Variants in CEP350 observed in about 807,000 individuals in gnomAD.
CEP350 encodes the protein centrosome-associated protein 350.
A neutral mutation model predicts 331.8 loss-of-function variants in CEP350; 126 were observed. The observed-to-expected ratio is 0.38, with a 90% confidence interval of 0.33 to 0.44. The LOEUF (loss-of-function observed/expected upper bound fraction) is 0.44. Among genes scored for constraint, CEP350 ranks in the 20% least tolerant of loss-of-function variants. The pLI is 1.00. For missense variants in CEP350, 3,406 were observed against 3,634.6 expected (o/e 0.94, Z 1.62); for synonymous variants, 1,200 against 1,259.5 (o/e 0.95, Z 1.00).
At position 180,014,307 on chromosome 1, in the gene CEP350, A is replaced by G. The variant is rs1381098475; in HGVS notation, c.1854A>G (p.Gln618=). The change falls in exon 10 of 38, where the codon CAA becomes CAG. Residue 618 remains glutamine, a synonymous_variant. Coordinates refer to ENST00000367607, the MANE Select transcript of CEP350 (RefSeq NM_014810.5). ...AGCAAAATGAAGAGAAGAAGGCTCA[A>G]AAGGAGGCTACAGAACAGAAAAACA... ...KRKQNEEKKA[Q]KEATEQKNKR... The G allele has an allele frequency of 6.3e-7, 1 of 1,593,244 alleles. No individual in the cohort carries two copies. The highest frequency in any genetic ancestry group is 2.3e-5 in the East Asian group (1 of 44,356).
chr1:180,086,903 G>T (rs1659899502), intron 31 of CEP350, among the ~76,000 whole-genome samples: 1 of 152,248 alleles, frequency 6.6e-6, no homozygotes, highest in Non-Finnish European at 1.5e-5. Context: ...CAGGCATTGT[G>T]AATAGGACAT....
chr1:180,063,385 G>A (rs1264055315), intron 26 of CEP350, among the ~76,000 whole-genome samples: 1 of 151,608 alleles, frequency 6.6e-6, no homozygotes, highest in South Asian at 2.1e-4. Flanking sequence ...TAGAGATGGA[G>A]TTTCGCCATG....
At chr1:179,993,695 G>A (rs897548594) in intron 5 of CEP350, among the ~76,000 whole-genome samples, 3 of 151,688 alleles carry the variant, frequency 2.0e-5, no homozygotes, top group Admixed American at 6.6e-5. Flanking sequence ...TGTCTGCCTC[G>A]GCCTCCCAAA....
intron 6 of CEP350, among the ~76,000 whole-genome samples, chr1:179,998,518 C>G (rs1653639848): frequency 6.6e-6 from 1 of 151,580 alleles, no homozygotes; most frequent in Admixed American, 6.6e-5. Flanking sequence ...GTTGGCCAGG[C>G]TGGTCTTGAA....
Position 180,094,259 on chromosome 1 carries a change from A to G in CEP350, c.8154A>G (p.Pro2718=), listed in dbSNP as rs1660357154. ...AAGCTTCAGAAAAGCTTTGTACACCACTTCTGGATCTTTTAACAAGAGAAA... is the reference window on the plus strand; with the variant it reads ...AAGCTTCAGAAAAGCTTTGTACACCGCTTCTGGATCTTTTAACAAGAGAAA... ...YAEASEKLCT[P]LLDLLTREKN... The change falls in exon 34 of 38, where the codon CCA becomes CCG. Residue 2718 remains proline, a synonymous_variant. Coordinates refer to ENST00000367607, the MANE Select transcript of CEP350 (RefSeq NM_014810.5). 1.2e-6 allele frequency: 2 copies of G among 1,613,372 alleles called. No individual in the cohort carries two copies. Among genetic ancestry groups the G allele is most frequent in the African/African-American group, 1.3e-5 (1 of 74,880 alleles).
rs1659372985 is a variant in CEP350, at chr1:180,078,560, T to C, written c.5865T>C (p.Tyr1955=). The change falls in exon 29 of 38, where the codon TAT becomes TAC. Residue 1955 remains tyrosine (Y), a synonymous_variant. Transcript: ENST00000367607. ...PEELGSPAVE[Y]VPSESIGQEQ... ...AATTAGGCAGCCCTGCTGTTGAATA[T>C]GTACCATCCGAGTCTATAGGACAGG... is the stretch of plus-strand genomic sequence containing the variant. The C allele has an allele frequency of 1.2e-6, 2 of 1,613,502 alleles. No homozygotes were observed. Among genetic ancestry groups the C allele is most frequent in the African/African-American group, 2.7e-5 (2 of 74,920 alleles).
intron 1 of CEP350, among the ~76,000 whole-genome samples, chr1:179,959,974 A>C (rs537726970): frequency 6.6e-6 from 1 of 152,166 alleles, no homozygotes; most frequent in African/African-American, 2.4e-5. Flanking sequence ...AAGTACTTGG[A>C]AACTGCAACT....
At chr1:180,012,949 A>G (rs959318458) in intron 9 of CEP350, among the ~76,000 whole-genome samples, 8 of 152,192 alleles carry the variant, frequency 5.3e-5, no homozygotes, top group South Asian at 2.1e-4. Flanking sequence ...CATTTATTCA[A>G]CAAATATTTA....
At chr1:179,972,223 G>A (rs535245454) in intron 1 of CEP350, among the ~76,000 whole-genome samples, 23 of 152,230 alleles carry the variant, frequency 1.5e-4, no homozygotes, top group African/African-American at 4.8e-4. Flanking sequence ...GCATGTAGGT[G>A]GTTTTGAAAG....
intron 26 of CEP350, 64 bp from the exon 27 acceptor site, chr1:180,065,051 A>G: frequency 7.0e-7 from 1 of 1,430,130 alleles, no homozygotes. Flanking sequence ...TTGAATTGAC[A>G]GTATTATGAT....
chr1:180,043,314 G>A, intron 20 of CEP350, 122 bp downstream of exon 20: 1 of 1,175,158 alleles, frequency 8.5e-7, no homozygotes. Flanking sequence ...TACAGTTATG[G>A]GCATAGTCTA....
intron 19 of CEP350, among the ~76,000 whole-genome samples, 159 bp from the exon 20 acceptor site, chr1:180,042,897 A>C (rs1656861656): frequency 6.6e-6 from 1 of 152,234 alleles, no homozygotes; most frequent in Non-Finnish European, 1.5e-5. Flanking sequence ...TTGAGACTTA[A>C]AGAGGCTAAA....
chr1:179,978,594 C>T (rs1200561957), intron 1 of CEP350, among the ~76,000 whole-genome samples: 1 of 152,016 alleles, frequency 6.6e-6, no homozygotes, highest in African/African-American at 2.4e-5. Context: ...ATGAGAAGAG[C>T]TCTTCTATGA....
Position 180,075,121 on chromosome 1 carries a change from T to C in CEP350, c.5667T>C (p.Ile1889=). 6.2e-7 allele frequency: 1 copy of C among 1,613,650 alleles called. No individual in the cohort carries two copies. Among genetic ancestry groups the C allele is most frequent in the Non-Finnish European group, 8.5e-7 (1 of 1,179,758 alleles). Residue 1889 remains isoleucine, a synonymous_variant, in exon 28 of 38, where the codon ATT becomes ATC. Coordinates refer to ENST00000367607, the MANE Select transcript of CEP350 (RefSeq NM_014810.5). ...GTTTAGATGCAGAAGAAGCAGAAAT[T>C]CGTCAAATGGAAAAACAAGCTTTGG... ...KRRLDAEEAE[I]RQMEKQALAA...
At chr1:179,969,402 T>C (rs1651264219) in intron 1 of CEP350, 3 of 512,826 alleles carry the variant, frequency 5.8e-6, no homozygotes, top group Non-Finnish European at 1.2e-5. Flanking sequence ...GTGCCCTCTG[T>C]GCCTATTCAG....
intron 11 of CEP350, among the ~76,000 whole-genome samples, chr1:180,018,857 C>CT (rs5779042): frequency 0.59 from 83,563 of 141,908 alleles, 26,480 homozygotes; most frequent in Admixed American, 0.72. Context: ...CTCTTTCTTT[C>CT]TTTTTTTTTT....
chr1:180,005,405 A>G (rs931622207), intron 7 of CEP350, among the ~76,000 whole-genome samples: 1 of 151,030 alleles, frequency 6.6e-6, no homozygotes, highest in Non-Finnish European at 1.5e-5. Flanking sequence ...TGAGTATCAC[A>G]CCCCCGCCTC....
At chr1:180,024,342 A>G (rs1210568318) in intron 13 of CEP350, 77 bp from the exon 14 acceptor site, 2 of 1,332,194 alleles carry the variant, frequency 1.5e-6, no homozygotes, top group Non-Finnish European at 2.1e-6. Flanking sequence ...GTGATTACAT[A>G]GATTTTTAAA....
intron 37 of CEP350, among the ~76,000 whole-genome samples, chr1:180,110,463 G>C (rs1478543208): frequency 6.6e-6 from 1 of 152,196 alleles, no homozygotes; most frequent in Non-Finnish European, 1.5e-5. Context: ...CTGTGATGCA[G>C]ATGATTCTGC....
Sources: allele counts gnomAD v4.1 joint callset (sites outside exome capture counted in the v4.1 genomes callset), GRCh38; gene constraint gnomAD v4.1.1; transcripts MANE v1.5; gene names NCBI Gene and HGNC (gene_info 2026-07-23, HGNC 2026-07-21).